The following CACNB2 variants were observed in gnomAD, a reference collection of about 807,000 sequenced individuals.
CACNB2 encodes calcium voltage-gated channel auxiliary subunit beta 2.
A neutral mutation model predicts 73.3 loss-of-function variants in CACNB2; 42 were observed. The observed-to-expected ratio is 0.57, with a 90% CI of 0.45 to 0.74. The LOEUF (loss-of-function observed/expected upper bound fraction) is 0.74. CACNB2 is among the 30% of genes least tolerant of loss of function. The pLI is 0.00. For synonymous variants in CACNB2, 348 were observed against 310.3 expected (o/e 1.12, Z -1.28); for missense variants, 940 against 853.0 (o/e 1.10, Z -1.27).
intron 3 of CACNB2, among the ~76,000 whole-genome samples, chr10:18,471,207 G>C (rs2048171642): frequency 6.6e-6 from 1 of 152,170 alleles, no homozygotes; most frequent in African/African-American, 2.4e-5. Context: ...TCGGGAGGCT[G>C]AGGCAGGAGA....
chr10:18,207,714 C>T (rs79489901), intron 2 of CACNB2, among the ~76,000 whole-genome samples: 8,994 of 152,234 alleles, frequency 0.059, 271 homozygotes, highest in East Asian at 0.089. Context: ...TTAACATGTA[C>T]ATGGGCATGA....
chr10:18,205,938 GAGAA>G (rs370616579), intron 2 of CACNB2, among the ~76,000 whole-genome samples: 1 of 152,156 alleles, frequency 6.6e-6, no homozygotes, highest in African/African-American at 2.4e-5. Flanking sequence ...TCCAGGGAGA[GAGAA>G]TCTACGGTTT....
rs560606058 is a variant in CACNB2 at position 18,541,682 on chromosome 10, G to T, written c.*1958G>T. The T allele has an allele frequency of 3.3e-5, 5 of 152,040 alleles. No individual in the cohort carries two copies. Among genetic ancestry groups the T allele is most frequent in the African/African-American group, 1.2e-4 (5 of 41,364 alleles). The allele number at this position is 152,040 out of a possible 1,614,324, so 9.4% of individuals were successfully genotyped here. Reference sequence around the variant, plus strand: ...TCAAGACCAGCCTGGCCAACGTGGCGAAACCCCGTCTCTACTAAAAAGATA... The same window carrying T: ...TCAAGACCAGCCTGGCCAACGTGGCTAAACCCCGTCTCTACTAAAAAGATA... On this transcript the variant is annotated 3_prime_UTR_variant, in exon 14 of 14. Coordinates refer to ENST00000324631, the MANE Select transcript of CACNB2 (RefSeq NM_201596.3).
chr10:18,394,113 T>C (rs1428472614), intron 2 of CACNB2, among the ~76,000 whole-genome samples: 1 of 152,042 alleles, frequency 6.6e-6, no homozygotes, highest in Non-Finnish European at 1.5e-5. Flanking sequence ...GGCTAATTTT[T>C]GTATTTTTAG....
chr10:18,307,323 G>A (rs113551694), intron 2 of CACNB2, among the ~76,000 whole-genome samples: 11,853 of 152,116 alleles, frequency 0.078, 650 homozygotes, highest in Non-Finnish European at 0.12. Flanking sequence ...TTAGCCAGGC[G>A]TGGTGGCACA....
intron 2 of CACNB2, among the ~76,000 whole-genome samples, chr10:18,273,716 C>T (rs935749185): frequency 1.3e-5 from 2 of 152,116 alleles, no homozygotes; most frequent in Non-Finnish European, 2.9e-5. Flanking sequence ...TTTAAGTAGT[C>T]ATGGCAAAAA....
intron 10 of CACNB2, 50 bp downstream of exon 10, chr10:18,527,747 T>G (rs551949739): frequency 8.7e-7 from 1 of 1,149,794 alleles, no homozygotes; most frequent in Non-Finnish European, 1.3e-6. Flanking sequence ...TCTCCCGATG[T>G]TGATGATGAG....
At chr10:18,371,655 A>G (rs1447296878) in intron 2 of CACNB2, among the ~76,000 whole-genome samples, 1 of 152,214 alleles carries the variant, frequency 6.6e-6, no homozygotes, top group African/African-American at 2.4e-5. Context: ...TAGTGCCACA[A>G]TAAACATACA....
intron 2 of CACNB2, among the ~76,000 whole-genome samples, chr10:18,263,726 A>G (rs574919809): frequency 1.3e-5 from 2 of 152,210 alleles, no homozygotes; most frequent in South Asian, 2.1e-4. Flanking sequence ...CTAGGTTTTT[A>G]CCTTTCTAAG....
At chr10:18,487,273 A>G (rs964927885) in intron 3 of CACNB2, among the ~76,000 whole-genome samples, 1 of 152,100 alleles carries the variant, frequency 6.6e-6, no homozygotes, top group Non-Finnish European at 1.5e-5. Context: ...GCCTTCATCT[A>G]TTGGCACAGC....
intron 2 of CACNB2, among the ~76,000 whole-genome samples, chr10:18,248,206 TGTTA>T (rs2036943065): frequency 6.6e-6 from 1 of 152,238 alleles, no homozygotes; most frequent in African/African-American, 2.4e-5. Context: ...ATTGAGCTGA[TGTTA>T]GGACCCAAAT....
intron 3 of CACNB2, among the ~76,000 whole-genome samples, chr10:18,441,383 G>T (rs772745299): frequency 1.8e-4 from 28 of 152,100 alleles, no homozygotes; most frequent in Non-Finnish European, 2.4e-4. Context: ...CTAGTCTGCC[G>T]ACAGAGCAAG....
rs148414498 is a variant in CACNB2, at chr10:18,536,187, G to A, written c.1293G>A (p.Gln431=). The A allele has an allele frequency of 2.2e-4, 341 of 1,532,870 alleles. 2 individuals carry two copies. The African/African-American group carries it at 3.6e-3, about 16-fold the overall frequency. The allele number at this position is 1,532,870 out of a possible 1,614,324, so 95.0% of individuals were successfully genotyped here. A position where few individuals can be genotyped will look rare whatever the true frequency, so the allele number is the denominator to read the frequency against. The change falls in exon 12 of 14, where the codon CAG becomes CAA. Residue 431 remains glutamine (Q), a synonymous_variant. Transcript: ENST00000324631. ...TGGTAGCAGCTGATAAACTGGCTCA[G>A]TGTCCTCCAGTAAGTTATCTCTATA... The part of the protein sequence containing the change: ...VQMVAADKLA[Q]CPPELFDVIL...
chr10:18,198,083 A>G (rs1396210529), intron 2 of CACNB2, among the ~76,000 whole-genome samples: 1 of 148,200 alleles, frequency 6.7e-6, no homozygotes, highest in East Asian at 1.9e-4. Context: ...TAACATATTA[A>G]CTTACATAAT....
At chr10:18,299,869 C>G (rs144302619) in intron 2 of CACNB2, among the ~76,000 whole-genome samples, 3 of 152,224 alleles carry the variant, frequency 2.0e-5, no homozygotes, top group Admixed American at 6.5e-5. Context: ...TTATGCTGGA[C>G]CATGCTACTT....
At chr10:18,165,094 A>G (rs984656669) in intron 2 of CACNB2, among the ~76,000 whole-genome samples, 25 of 152,224 alleles carry the variant, frequency 1.6e-4, no homozygotes, top group African/African-American at 5.8e-4. Flanking sequence ...AGAGCTGAAT[A>G]CAAAAATGTG....
intron 2 of CACNB2, among the ~76,000 whole-genome samples, chr10:18,396,434 C>G (rs992079901): frequency 2.0e-5 from 3 of 152,196 alleles, no homozygotes; most frequent in Non-Finnish European, 4.4e-5. Flanking sequence ...AGATAGAACC[C>G]TTTCCCCTTG....
chr10:18,261,233 G>T, intron 2 of CACNB2: 1 of 1,550,560 alleles, frequency 6.4e-7, no homozygotes, highest in Non-Finnish European at 8.7e-7. Flanking sequence ...GTGCAGCTTG[G>T]TGAAGCCACA....
intron 2 of CACNB2, among the ~76,000 whole-genome samples, chr10:18,356,849 C>T (rs946903154): frequency 7.9e-5 from 12 of 151,610 alleles, no homozygotes; most frequent in Non-Finnish European, 1.5e-4. Flanking sequence ...AGGCTGGTCT[C>T]GAACTCCTGG....
Sources: allele counts gnomAD v4.1 joint callset (sites outside exome capture counted in the v4.1 genomes callset), GRCh38; gene constraint gnomAD v4.1.1; transcripts MANE v1.5; gene names NCBI Gene and HGNC (gene_info 2026-07-23, HGNC 2026-07-21).